The following TENM2 variants were observed in gnomAD, a reference collection of about 807,000 sequenced individuals.
TENM2 encodes the protein teneurin-2.
A neutral mutation model predicts 245.2 loss-of-function variants in TENM2; 52 were observed. The ratio of observed to expected loss-of-function variants is 0.21; its 90% CI spans 0.17 to 0.27. The LOEUF is 0.27. Among genes scored for constraint, TENM2 ranks in the 10% least tolerant of loss-of-function variants. TENM2 has a pLI of 1.00. For missense variants in TENM2, 3,046 were observed against 3,666.8 expected (o/e 0.83, Z 4.37); for synonymous variants, 1,363 against 1,438.9 (o/e 0.95, Z 1.19).
At chr5:167,796,445 C>T (rs1765323953) in intron 2 of TENM2, among the ~76,000 whole-genome samples, 1 of 152,160 alleles carries the variant, frequency 6.6e-6, no homozygotes, top group Admixed American at 6.5e-5. Flanking sequence ...GCTTACTCTT[C>T]CTTGCTCTTC....
At chr5:167,615,955 C>A (rs1287529288) in intron 2 of TENM2, among the ~76,000 whole-genome samples, 1 of 152,106 alleles carries the variant, frequency 6.6e-6, no homozygotes, top group Admixed American at 6.6e-5. Context: ...GATTTAAATG[C>A]TCATTCAAGA....
the TENM2 span, among the ~76,000 whole-genome samples, chr5:167,015,788 G>A: frequency 6.6e-6 from 1 of 151,922 alleles, no homozygotes; most frequent in Non-Finnish European, 1.5e-5. Context: ...TCTTAGATTT[G>A]CATAGACTGT....
intron 2 of TENM2, among the ~76,000 whole-genome samples, chr5:167,526,472 G>T (rs1209861747): frequency 6.6e-6 from 1 of 151,412 alleles, no homozygotes; most frequent in Non-Finnish European, 1.5e-5. Context: ...TTTTTTTAAT[G>T]TTTCATAAGA....
the TENM2 span, among the ~76,000 whole-genome samples, chr5:167,174,005 A>G: frequency 5.9e-5 from 9 of 152,090 alleles, no homozygotes; most frequent in Non-Finnish European, 7.4e-5. Flanking sequence ...TCTGTTATTA[A>G]TAACATTTGA....
At chr5:167,318,940 A>G (rs1756545868) in intron 1 of TENM2, among the ~76,000 whole-genome samples, 1 of 152,244 alleles carries the variant, frequency 6.6e-6, no homozygotes, top group Non-Finnish European at 1.5e-5. Flanking sequence ...GTGAAGCAAT[A>G]GGAGAGCAGT....
At chr5:168,200,398 A>G (rs1761831844) in intron 17 of TENM2, among the ~76,000 whole-genome samples, 1 of 152,198 alleles carries the variant, frequency 6.6e-6, no homozygotes, top group African/African-American at 2.4e-5. Context: ...GGGAGGAGGG[A>G]CAACTGTGGT....
intron 1 of TENM2, among the ~76,000 whole-genome samples, chr5:167,288,419 C>T (rs1048354284): frequency 4.6e-5 from 7 of 151,922 alleles, no homozygotes; most frequent in Non-Finnish European, 1.0e-4. Flanking sequence ...ATTAGTCGGG[C>T]GCGGTGGCGG....
At chr5:167,386,201 A>G (rs769890813) in intron 2 of TENM2, among the ~76,000 whole-genome samples, 27 of 151,964 alleles carry the variant, frequency 1.8e-4, no homozygotes, top group Non-Finnish European at 3.8e-4. Context: ...TTTTGATTAT[A>G]GCCATTCTTG....
the TENM2 span, among the ~76,000 whole-genome samples, chr5:167,012,420 G>A: frequency 2.6e-5 from 4 of 152,144 alleles, no homozygotes; most frequent in Non-Finnish European, 4.4e-5. Context: ...TAAACAACCA[G>A]TAAGCAAGAT....
chr5:167,189,742 G>A, the TENM2 span, among the ~76,000 whole-genome samples: 1 of 151,848 alleles, frequency 6.6e-6, no homozygotes, highest in Non-Finnish European at 1.5e-5. Flanking sequence ...CTCTTGAGTA[G>A]CCATATATTA....
intron 2 of TENM2, among the ~76,000 whole-genome samples, chr5:167,399,568 A>G (rs1762253563): frequency 6.6e-6 from 1 of 152,214 alleles, no homozygotes; most frequent in African/African-American, 2.4e-5. Context: ...GAGGTGGCAT[A>G]GCACAATAAT....
At chr5:167,621,727 A>G (rs1364733701) in intron 2 of TENM2, among the ~76,000 whole-genome samples, 2 of 152,138 alleles carry the variant, frequency 1.3e-5, no homozygotes, top group African/African-American at 4.8e-5. Context: ...GCAATTAACA[A>G]GTATATTGGA....
At chr5:167,716,640 G>A (rs1346068735) in intron 2 of TENM2, among the ~76,000 whole-genome samples, 3 of 152,124 alleles carry the variant, frequency 2.0e-5, no homozygotes, top group Non-Finnish European at 2.9e-5. Flanking sequence ...GAGCTTTACA[G>A]CTTCCAGTAA....
chr5:168,234,833 T>C (rs539705910), intron 25 of TENM2, among the ~76,000 whole-genome samples: 51 of 152,368 alleles, frequency 3.3e-4, no homozygotes, highest in Middle Eastern at 3.4e-3. Context: ...CATGTGTAGG[T>C]AGCAGAACAA....
intron 2 of TENM2, among the ~76,000 whole-genome samples, chr5:167,423,556 G>A (rs889616203): frequency 2.6e-5 from 4 of 152,140 alleles, no homozygotes; most frequent in African/African-American, 9.6e-5. Flanking sequence ...GATGTGCCTA[G>A]CATTAAAAAT....
intron 2 of TENM2, among the ~76,000 whole-genome samples, chr5:167,748,780 T>A (rs1042178687): frequency 6.6e-6 from 1 of 152,016 alleles, no homozygotes; most frequent in African/African-American, 2.4e-5. Flanking sequence ...CCATCAGATC[T>A]TGTGAGAACT....
At chr5:168,040,900 T>C (rs1788128794) in intron 5 of TENM2, among the ~76,000 whole-genome samples, 1 of 152,228 alleles carries the variant, frequency 6.6e-6, no homozygotes, top group Non-Finnish European at 1.5e-5. Context: ...AGATTTATTT[T>C]ACGTTGACAA....
intron 7 of TENM2, among the ~76,000 whole-genome samples, chr5:168,071,668 A>G (rs574041513): frequency 9.9e-5 from 15 of 152,262 alleles, no homozygotes; most frequent in African/African-American, 3.6e-4. Flanking sequence ...AAATCATTCT[A>G]CAGTAAACAT....
At chr5:167,881,699 C>A (rs1315357234) in intron 3 of TENM2, among the ~76,000 whole-genome samples, 3 of 152,134 alleles carry the variant, frequency 2.0e-5, no homozygotes, top group African/African-American at 2.4e-5. Flanking sequence ...AGGTTTGGTT[C>A]CAGCTGCCTC....
Sources: allele counts gnomAD v4.1 joint callset (sites outside exome capture counted in the v4.1 genomes callset), GRCh38; gene constraint gnomAD v4.1.1; transcripts MANE v1.5; gene names NCBI Gene and HGNC (gene_info 2026-07-23, HGNC 2026-07-21).